The following EXOC3L4 variants were observed in gnomAD, a reference collection of about 807,000 sequenced individuals.
The protein encoded by EXOC3L4 is exocyst complex component 3 like 4.
EXOC3L4 carries 62 observed loss-of-function variants against 69.7 expected under a neutral mutation model. The observed-to-expected ratio is 0.89, with a 90% CI of 0.72 to 1.10. The LOEUF (loss-of-function observed/expected upper bound fraction) is 1.10. EXOC3L4 is among the 50% of genes least tolerant of loss of function. The pLI is 0.00. For missense variants in EXOC3L4, 1,087 were observed against 1,034.8 expected (o/e 1.05, Z -0.69); for synonymous variants, 502 against 464.2 (o/e 1.08, Z -1.05).
At chr14:103,107,925 G>A (rs1444557318) in intron 10 of EXOC3L4, 142 bp downstream of exon 10, 3 of 1,271,822 alleles carry the variant, frequency 2.4e-6, no homozygotes, top group Non-Finnish European at 3.2e-6. Flanking sequence ...TGGGGCGCCT[G>A]TGGGGCTGGG....
At position 103,103,963 on chromosome 14, in the gene EXOC3L4, G is replaced by A. The variant is rs762812884; in HGVS notation, c.1072G>A (p.Gly358Arg). Residue 358 changes from glycine (G) to arginine (R), a missense_variant, in exon 4 of 12, where the codon GGG becomes AGG. Transcript: ENST00000688303. ...YGSPDFLGAP[G>R]LALPAEPLPP... ...CAGTCCTGACTTCCTGGGCGCCCCGGGGCTGGCGCTGCCCGCCGAGCCGCT... is the reference window on the plus strand; with the variant it reads ...CAGTCCTGACTTCCTGGGCGCCCCGAGGCTGGCGCTGCCCGCCGAGCCGCT... 48 of 1,548,274 alleles carry A rather than the reference G, an allele frequency of 3.1e-5. No homozygotes were observed. The African/African-American group carries it at 4.9e-4, about 16-fold the overall frequency.
chr14:103,106,363 T>C (rs554403857), intron 7 of EXOC3L4, among the ~76,000 whole-genome samples: 1 of 152,318 alleles, frequency 6.6e-6, no homozygotes, highest in East Asian at 1.9e-4. Context: ...GCCAAACCCT[T>C]GATGGAACTC....
At chr14:103,100,819 T>TTGGCCTCCTGGGCTC (rs1301969447) in intron 2 of EXOC3L4, among the ~76,000 whole-genome samples, 3 of 152,068 alleles carry the variant, frequency 2.0e-5, no homozygotes, top group African/African-American at 7.2e-5. Flanking sequence ...CACTGCGACC[T>TTGGCCTCCTGGGCTC]TGGCCTCCTG....
chr14:103,105,167 G>T, intron 7 of EXOC3L4, 95 bp downstream of exon 7: 1 of 1,259,040 alleles, frequency 7.9e-7, no homozygotes, highest in Non-Finnish European at 1.1e-6. Flanking sequence ...CGCGCGTGGA[G>T]GGGGCAGAGG....
chr14:103,097,865 G>T lies in EXOC3L4; in HGVS notation c.-16-2339G>T, dbSNP rs1207345095. On this transcript the variant is annotated intron_variant, in intron 1 of 11. Transcript: ENST00000688303. The surrounding 1 kb of genome is among the most constrained non-coding windows in gnomAD (Gnocchi z 4.9). ...GCTGGGTGGGGTGCAGGTTGTCCGTGAACCCCAGGGGAAGCTGGTGAGGTG... is the reference window on the plus strand; with the variant it reads ...GCTGGGTGGGGTGCAGGTTGTCCGTTAACCCCAGGGGAAGCTGGTGAGGTG... Among the ~76,000 whole-genome samples the T allele has an allele frequency of 6.6e-6, 1 of 152,098 alleles. No homozygotes were observed.
In EXOC3L4 at chr14:103,102,322, C is replaced by A; in HGVS notation, c.599C>A (p.Thr200Lys). The stretch of plus-strand genomic sequence containing the variant: ...GAGATCGGCGCCATCGTGCGCGAGA[C>A]GCTGGACAGCGACGGTGTGGACGCG... Reference protein sequence around the residue: ...AAEIGAIVRETLDSDGVDAAA... With the variant: ...AAEIGAIVREKLDSDGVDAAA... Residue 200 changes from threonine to lysine, a missense_variant, in exon 3 of 12, where the codon ACG becomes AAG. By Grantham distance (78) the Thr-to-Lys change is moderately conservative (BLOSUM62 -1). Coordinates refer to ENST00000688303, the MANE Select transcript of EXOC3L4 (RefSeq NM_001077594.2). 6.4e-7 allele frequency: 1 copy of A among 1,565,866 alleles called. No individual in the cohort carries two copies. The highest frequency in any genetic ancestry group is 8.6e-7 in the Non-Finnish European group (1 of 1,162,034).
intron 1 of EXOC3L4, among the ~76,000 whole-genome samples, chr14:103,095,321 T>C (rs1252156909): frequency 6.6e-6 from 1 of 152,218 alleles, no homozygotes; most frequent in Non-Finnish European, 1.5e-5. Context: ...CTTGCGGGTC[T>C]CCTGGTCTCC....
At chr14:103,100,084 G>C (rs1274726672) in intron 1 of EXOC3L4, 120 bp from the exon 2 acceptor site, 3 of 1,127,402 alleles carry the variant, frequency 2.7e-6, no homozygotes, top group Non-Finnish European at 3.6e-6. Context: ...CCTTTTGACA[G>C]CCTGAGGGCT....
At chr14:103,105,183 A>C (rs1489005848) in intron 7 of EXOC3L4, 111 bp downstream of exon 7, 1 of 1,022,290 alleles carries the variant, frequency 9.8e-7, no homozygotes, top group African/African-American at 1.7e-5. Context: ...AGAGGTGAGG[A>C]GTGTGTGTGT....
In EXOC3L4 at chr14:103,110,191, A is replaced by G; in HGVS notation, c.2137A>G (p.Ser713Gly). The G allele has an allele frequency of 6.6e-7, 1 of 1,522,312 alleles. No homozygotes were observed. The highest frequency in any genetic ancestry group is 8.8e-7 in the Non-Finnish European group (1 of 1,133,296). 94.3% of individuals were successfully genotyped at this position (1,522,312 alleles called of 1,614,324 possible). The part of the protein sequence containing the change: ...RVLFEEIKVP[S>G]AMAVLITCV Reference sequence around the variant, plus strand: ...GCTCTTCGAGGAGATCAAGGTGCCCAGTGCCATGGCTGTGCTGATCACCTG... The same window carrying G: ...GCTCTTCGAGGAGATCAAGGTGCCCGGTGCCATGGCTGTGCTGATCACCTG... The change falls in exon 12 of 12, where the codon AGT (serine) becomes GGT (glycine). Residue 713 changes from serine to glycine, a missense_variant. Physicochemically the swap from Ser to Gly is moderately conservative, Grantham distance 56. Transcript: ENST00000688303.
At chr14:103,100,134 G>A in intron 1 of EXOC3L4, 70 bp from the exon 2 acceptor site, 1 of 1,431,008 alleles carries the variant, frequency 7.0e-7, no homozygotes, top group South Asian at 1.5e-5. Flanking sequence ...GCCCCTGGGT[G>A]TGGCCAGGCC....
At chr14:103,105,327 T>C (rs1200852150) in intron 7 of EXOC3L4, among the ~76,000 whole-genome samples, 1 of 149,586 alleles carries the variant, frequency 6.7e-6, no homozygotes, top group African/African-American at 2.5e-5. Context: ...GAGCTGAGGC[T>C]GTGTGTGTGC....
In EXOC3L4 at chr14:103,110,014, C is replaced by A; in HGVS notation, c.1977-17C>A. On this transcript the variant is annotated splice_polypyrimidine_tract_variant and intron_variant, in intron 11 of 11. Transcript: ENST00000688303. ...CGGAGGTGTAGGTCTGCAGTGAGTG[C>A]CCGCATGTCTCTGCAGGCGGGACCA... The A allele has an allele frequency of 1.9e-6, 3 of 1,576,658 alleles. No homozygotes were observed. The highest frequency in any genetic ancestry group is 2.6e-6 in the Non-Finnish European group (3 of 1,162,834).
Position 103,108,410 on chromosome 14 carries a change from A to G in EXOC3L4, c.1869A>G (p.Thr623=), listed in dbSNP as rs1323551533. The G allele has an allele frequency of 1.2e-6, 2 of 1,613,774 alleles. No homozygotes were observed. The highest frequency in any genetic ancestry group is 1.1e-5 in the South Asian group (1 of 91,076). The change falls in exon 11 of 12, where the codon ACA becomes ACG. Residue 623 remains threonine, a synonymous_variant. Coordinates refer to ENST00000688303, the MANE Select transcript of EXOC3L4 (RefSeq NM_001077594.2). The part of the protein sequence containing the change: ...DTFQGLGSEA[T]WLDQAIQCVA... ...CTGTCTCGCAGGGTTCCGAGGCCAC[A>G]TGGTTGGACCAAGCCATCCAGTGCG...
At position 103,108,378 on chromosome 14, in the gene EXOC3L4, G is replaced by T. The variant is rs756979257; in HGVS notation, c.1855-18G>T. Reference sequence around the variant, plus strand: ...TGGGGAGAGGGCTGTTGGGGCAGGCGGTGGCTCTGTCTCGCAGGGTTCCGA... The same window carrying T: ...TGGGGAGAGGGCTGTTGGGGCAGGCTGTGGCTCTGTCTCGCAGGGTTCCGA... On this transcript the variant is annotated intron_variant, in intron 10 of 11. Transcript: ENST00000688303. 1 of 1,611,492 alleles carries T rather than the reference G, an allele frequency of 6.2e-7. No homozygotes were observed. The highest frequency in any genetic ancestry group is 8.5e-7 in the Non-Finnish European group (1 of 1,178,500).
rs1890381614 is a variant in EXOC3L4, at chr14:103,104,031, C to T, written c.1140C>T (p.Ser380=). ...LAPDVWARLE[S]DYTSFLEAKI... Reference sequence around the variant, plus strand: ...CGGACGTGTGGGCCCGACTGGAGAGCGACTACACCAGCTTCCTGGAGGTCA... The same window carrying T: ...CGGACGTGTGGGCCCGACTGGAGAGTGACTACACCAGCTTCCTGGAGGTCA... The change falls in exon 4 of 12, where the codon AGC becomes AGT. Residue 380 remains serine (S), a synonymous_variant. Transcript: ENST00000688303. 1 of 1,576,722 alleles carries T rather than the reference C, an allele frequency of 6.3e-7. No homozygotes were observed. Among genetic ancestry groups the T allele is most frequent in the Non-Finnish European group, 8.6e-7 (1 of 1,166,038 alleles).
At position 103,107,507 on chromosome 14, in the gene EXOC3L4, C is replaced by T. The variant is rs755185520; in HGVS notation, c.1665C>T (p.Ala555=). The change falls in exon 9 of 12, where the codon GCC becomes GCT. Residue 555 remains alanine (A), a synonymous_variant. Transcript: ENST00000688303. Reference sequence around the variant, plus strand: ...TCATGGACAAGGTGGTGACCTTCGCCGGTCATCTCCAGCGTGTGGCCCGGC... The same window carrying T: ...TCATGGACAAGGTGGTGACCTTCGCTGGTCATCTCCAGCGTGTGGCCCGGC... The part of the protein sequence containing the change: ...HPLMDKVVTF[A]GHLQRVARPR... The T allele has an allele frequency of 1.1e-5, 17 of 1,613,656 alleles. No homozygotes were observed. The highest frequency in any genetic ancestry group is 1.6e-4 in the Middle Eastern group (1 of 6,084).
Position 103,102,657 on chromosome 14 carries a change from T to G in EXOC3L4, c.934T>G (p.Tyr312Asp). 2 of 1,499,744 alleles carry G rather than the reference T, an allele frequency of 1.3e-6. No individual in the cohort carries two copies. The highest frequency in any genetic ancestry group is 1.8e-6 in the Non-Finnish European group (2 of 1,130,460). The allele number at this position is 1,499,744 out of a possible 1,614,324, so 92.9% of individuals were successfully genotyped here. The change falls in exon 3 of 12, where the codon TAT (tyrosine) becomes GAT (aspartate). Residue 312 changes from tyrosine (Y) to aspartate (D), a missense_variant. Coordinates refer to ENST00000688303, the MANE Select transcript of EXOC3L4 (RefSeq NM_001077594.2). Reference sequence around the variant, plus strand: ...GGCCGGCTTCCCAGCGTGGGAGGTCTATCTGCGTGCCTTCCACAGCGCCGT... The same window carrying G: ...GGCCGGCTTCCCAGCGTGGGAGGTCGATCTGCGTGCCTTCCACAGCGCCGT... ...AAAGFPAWEV[Y>D]LRAFHSAVAQ... is the part of the protein sequence containing the mutation.
Position 103,110,147 on chromosome 14 carries a change from AG to A in EXOC3L4, c.2095del (p.Ala699ProfsTer20). 1 of 1,548,406 alleles carries A rather than the reference AG, an allele frequency of 6.5e-7. No individual in the cohort carries two copies. The highest frequency in any genetic ancestry group is 8.7e-7 in the Non-Finnish European group (1 of 1,145,946). ...GCTGCGGCCGGGGCGGCGGGTGCGGAGGCCCCTCGGGGCCGCGTGCTCTTCG... is the reference window on the plus strand; with the variant it reads ...GCTGCGGCCGGGGCGGCGGGTGCGGAGCCCCTCGGGGCCGCGTGCTCTTCG... ...LRAAAGAAGA[E>X]APRGRVLFEE... On this transcript the variant is annotated frameshift_variant, in exon 12 of 12. Coordinates refer to ENST00000688303, the MANE Select transcript of EXOC3L4 (RefSeq NM_001077594.2). LOFTEE classifies it low-confidence loss of function (END_TRUNC).
Sources: allele counts gnomAD v4.1 joint callset (sites outside exome capture counted in the v4.1 genomes callset), GRCh38; gene constraint gnomAD v4.1.1; non-coding constraint Gnocchi (gnomAD v3.1); transcripts MANE v1.5; gene names NCBI Gene and HGNC (gene_info 2026-07-23, HGNC 2026-07-21).